Variants in SGCD observed in about 807,000 individuals in gnomAD.
SGCD encodes the protein sarcoglycan delta.
A neutral mutation model predicts 36.6 loss-of-function variants in SGCD; 18 were observed. The observed-to-expected ratio is 0.49, with a 90% CI of 0.34 to 0.73. SGCD has a LOEUF of 0.73. Among genes scored for constraint, SGCD ranks in the 30% least tolerant of loss-of-function variants. The pLI is 0.01. For missense variants in SGCD, 387 were observed against 346.7 expected, an observed-to-expected ratio of 1.12 and a Z score of -0.92; for synonymous variants, 133 against 130.6, an observed-to-expected ratio of 1.02 and a Z score of -0.12.
At chr5:156,074,037 G>A (rs78132702) in intron 1 of SGCD, among the ~76,000 whole-genome samples, 9,898 of 152,264 alleles carry the variant, frequency 0.065, 1,021 homozygotes, top group African/African-American at 0.22. Context: ...CCTAGAGCCC[G>A]AGCTAGGAAT....
the SGCD span, among the ~76,000 whole-genome samples, chr5:155,799,337 G>A: frequency 1.2e-4 from 18 of 151,922 alleles, no homozygotes; most frequent in African/African-American, 4.3e-4. Flanking sequence ...TAGCAAAATA[G>A]AGCCACAACC....
At chr5:156,475,426 T>G (rs991551317) in intron 3 of SGCD, among the ~76,000 whole-genome samples, 1 of 152,186 alleles carries the variant, frequency 6.6e-6, no homozygotes, top group Non-Finnish European at 1.5e-5. Flanking sequence ...CTGAGATTCA[T>G]GCAGAAGAGA....
At chr5:156,613,772 A>T (rs139958923) in intron 6 of SGCD, among the ~76,000 whole-genome samples, 5 of 152,304 alleles carry the variant, frequency 3.3e-5, no homozygotes, top group Admixed American at 1.3e-4. Context: ...TTTTGCCACA[A>T]ATCTCCTGGT....
intron 7 of SGCD, among the ~76,000 whole-genome samples, chr5:156,690,949 G>A (rs157666): frequency 0.045 from 6,894 of 152,204 alleles, 240 homozygotes; most frequent in East Asian, 0.16. Context: ...GCTTACTCCT[G>A]TAATCCCAGC....
Position 156,767,514 on chromosome 5 carries a change from A to G in SGCD, c.*8124A>G, listed in dbSNP as rs978990440. 4.3e-4 allele frequency: 63 copies of G among 148,020 alleles called. No individual in the cohort carries two copies. The highest frequency in any genetic ancestry group is 2.1e-4 in the Non-Finnish European group (14 of 67,240). The allele number at this position is 148,020 out of a possible 1,614,324, so 9.2% of individuals were successfully genotyped here. ...AAAAAAAAAAAAAAAACCCATTCCCATAAAGTAATTGAGTTCAGCCTTTGG... is the reference window on the plus strand; with the variant it reads ...AAAAAAAAAAAAAAAACCCATTCCCGTAAAGTAATTGAGTTCAGCCTTTGG... On this transcript the variant is annotated 3_prime_UTR_variant, in exon 9 of 9. Transcript: ENST00000337851.
chr5:156,147,453 T>A (rs973517485), intron 3 of SGCD, among the ~76,000 whole-genome samples: 6 of 152,216 alleles, frequency 3.9e-5, no homozygotes, highest in Non-Finnish European at 7.3e-5. Flanking sequence ...TCCCTGGCTG[T>A]TTGCATTTCC....
chr5:156,406,267 A>G (rs1772401827), intron 3 of SGCD, among the ~76,000 whole-genome samples: 2 of 152,060 alleles, frequency 1.3e-5, no homozygotes, highest in Admixed American at 1.3e-4. Flanking sequence ...GGCCATTAAC[A>G]CAGCTACCCT....
intron 3 of SGCD, among the ~76,000 whole-genome samples, chr5:156,420,009 C>T (rs749000733): frequency 6.6e-6 from 1 of 152,086 alleles, no homozygotes; most frequent in Non-Finnish European, 1.5e-5. Flanking sequence ...TGCCCCTGTC[C>T]TTCACCTCAG....
At chr5:156,652,328 A>T (rs1220663779) in intron 7 of SGCD, among the ~76,000 whole-genome samples, 1 of 151,488 alleles carries the variant, frequency 6.6e-6, no homozygotes, top group African/African-American at 2.4e-5. Flanking sequence ...CAAAAGAAAA[A>T]AAAAGTTAAT....
chr5:156,157,320 T>C (rs1972773), intron 3 of SGCD, among the ~76,000 whole-genome samples: 97,008 of 151,464 alleles, frequency 0.64, 32,047 homozygotes, highest in East Asian at 0.94. Flanking sequence ...TCACTGTTTT[T>C]CAGATGAGAA....
At chr5:156,319,303 A>C (rs1162703265) in intron 3 of SGCD, among the ~76,000 whole-genome samples, 1 of 152,172 alleles carries the variant, frequency 6.6e-6, no homozygotes, top group African/African-American at 2.4e-5. Flanking sequence ...AAAATACAGG[A>C]ATGTTTTTCT....
At chr5:156,013,162 C>G (rs1561682433) in intron 1 of SGCD, among the ~76,000 whole-genome samples, 1 of 151,544 alleles carries the variant, frequency 6.6e-6, no homozygotes, top group African/African-American at 2.4e-5. Flanking sequence ...GTGGCTGGGA[C>G]TATGGGCACA....
In SGCD at chr5:156,229,277, C is replaced by CACATATATAT. The variant is rs1554085595; in HGVS notation, c.-43-100256_-43-100255insCATATATATA. Among the ~76,000 whole-genome samples, 44 of 56,464 alleles carry CACATATATAT rather than the reference C, an allele frequency of 7.8e-4. 1 individual carries two copies. Among genetic ancestry groups the CACATATATAT allele is most frequent in the South Asian group, 1.3e-3 (2 of 1,592 alleles). 37.0% of individuals were successfully genotyped at this position (56,464 alleles called of 152,430 possible). A position where few individuals can be genotyped will look rare whatever the true frequency, so the allele number is the denominator to read the frequency against. ...ACATACATACATATATATATACATA[C>CACATATATAT]ATATATATATATATATATATATAAA... On this transcript the variant is annotated intron_variant, in intron 3 of 9. Coordinates refer to the SGCD transcript ENST00000517913.
intron 4 of SGCD, among the ~76,000 whole-genome samples, chr5:156,531,938 A>T (rs190106682): frequency 6.6e-6 from 1 of 151,876 alleles, no homozygotes; most frequent in African/African-American, 2.4e-5. Flanking sequence ...GTGAAACCCC[A>T]TCTCTACTAA....
chr5:156,387,330 G>C (rs61640971), intron 3 of SGCD, among the ~76,000 whole-genome samples: 2 of 152,222 alleles, frequency 1.3e-5, no homozygotes, highest in Non-Finnish European at 2.9e-5. Flanking sequence ...ACCGGATTCA[G>C]AAACGACTGT....
chr5:156,293,067 G>GT (rs377316004), intron 3 of SGCD, among the ~76,000 whole-genome samples: 150 of 150,172 alleles, frequency 1.0e-3, no homozygotes, highest in African/African-American at 3.2e-3. Flanking sequence ...TTTCTTTTCT[G>GT]TTTTTTTTTA....
Position 156,482,826 on chromosome 5 carries a change from T to TTTTTG in SGCD, c.193-25771_193-25770insGTTTT, listed in dbSNP as rs775129504. ...TCCTTTTGGTCAGTTTTTTTTTTTTTTTTTTTTTTTTTAAGTAAGCTGAGA... is the reference window on the plus strand; with the variant it reads ...TCCTTTTGGTCAGTTTTTTTTTTTTTTTTTGTTTTTTTTTTTTAAGTAAGCTGAGA... On this transcript the variant is annotated intron_variant, in intron 3 of 8. Transcript: ENST00000337851. Among the ~76,000 whole-genome samples, 475 of 145,500 alleles carry TTTTTG rather than the reference T, an allele frequency of 3.3e-3. 11 individuals are homozygous for TTTTTG. The highest frequency in any genetic ancestry group is 0.017 in the South Asian group (76 of 4,366).
intron 1 of SGCD, among the ~76,000 whole-genome samples, chr5:155,985,069 A>G (rs1338452647): frequency 2.0e-5 from 3 of 152,226 alleles, no homozygotes; most frequent in Non-Finnish European, 4.4e-5. Flanking sequence ...ACCCTGGGTT[A>G]ATTGGATAAG....
At chr5:156,097,620 A>G (rs1761412993) in intron 1 of SGCD, among the ~76,000 whole-genome samples, 1 of 151,870 alleles carries the variant, frequency 6.6e-6, no homozygotes. Context: ...TTTCATTTGT[A>G]TTGAGAGAGT....
Sources: allele counts gnomAD v4.1 joint callset (sites outside exome capture counted in the v4.1 genomes callset), GRCh38; gene constraint gnomAD v4.1.1; transcripts MANE v1.5; gene names NCBI Gene and HGNC (gene_info 2026-07-23, HGNC 2026-07-21).